The following PPP2R3A variants were observed in gnomAD, a reference collection of about 807,000 sequenced individuals.
The protein encoded by PPP2R3A is protein phosphatase 2 regulatory subunit B''alpha.
PPP2R3A carries 80 observed loss-of-function variants against 106.9 expected under a neutral mutation model. The observed-to-expected ratio is 0.75, with a 90% CI of 0.62 to 0.90. The LOEUF is 0.90. Among genes scored for constraint, PPP2R3A ranks in the 40% least tolerant of loss-of-function variants. The pLI, the probability that PPP2R3A is intolerant of heterozygous loss-of-function variation, is 0.00. For synonymous variants in PPP2R3A, 483 were observed against 468.3 expected, an observed-to-expected ratio of 1.03 and a Z score of -0.41; for missense variants, 1,386 against 1,350.4, an observed-to-expected ratio of 1.03 and a Z score of -0.41.
rs1933627190 is a variant in PPP2R3A at position 136,001,675 on chromosome 3, T to C, written c.177T>C (p.Pro59=). Residue 59 remains proline (P), a synonymous_variant, in exon 2 of 14, where the codon CCT becomes CCC. Transcript: ENST00000264977. Reference sequence around the variant, plus strand: ...TTTGTGCAGACCTCTTGCACATCCCTGTGTCTCAGTTCAAAGATGCAGATC... The same window carrying C: ...TTTGTGCAGACCTCTTGCACATCCCCGTGTCTCAGTTCAAAGATGCAGATC... ...HSVCADLLHI[P]VSQFKDADLN... The C allele has an allele frequency of 5.0e-6, 8 of 1,614,164 alleles. No homozygotes were observed. Among genetic ancestry groups the C allele is most frequent in the Non-Finnish European group, 5.9e-6 (7 of 1,180,026 alleles).
chr3:136,145,216 C>G lies in PPP2R3A; in HGVS notation c.*50C>G. 6.4e-7 allele frequency: 1 copy of G among 1,564,240 alleles called. No individual in the cohort carries two copies. Among genetic ancestry groups the G allele is most frequent in the Non-Finnish European group, 8.6e-7 (1 of 1,157,590 alleles). On this transcript the variant is annotated 3_prime_UTR_variant, in exon 14 of 14. Coordinates refer to ENST00000264977, the MANE Select transcript of PPP2R3A (RefSeq NM_002718.5). ...AGATGTGTATTTTAAATGTTTCTTT[C>G]TTGTGAAGAGATGTTCTCGTTTGCA...
intron 13 of PPP2R3A, among the ~76,000 whole-genome samples, chr3:136,138,440 A>G (rs200231157): frequency 1.3e-5 from 2 of 152,342 alleles, no homozygotes; most frequent in East Asian, 3.9e-4. Flanking sequence ...TCAAAACTGA[A>G]GTGAAATCTA....
Position 136,026,868 on chromosome 3 carries a change from C to T in PPP2R3A, c.2032C>T (p.Leu678Phe). The T allele has an allele frequency of 6.2e-7, 1 of 1,612,944 alleles. No individual in the cohort carries two copies. Among genetic ancestry groups the T allele is most frequent in the Non-Finnish European group, 8.5e-7 (1 of 1,179,140 alleles). ...ACCAGAAAAGAAACCTGGAACACCA[C>T]TCCCACCTCCAGCCACCTCTCCAAG... ...NKPEKKPGTP[L>F]PPPATSPSSP... The change falls in exon 3 of 14, where the codon CTC becomes TTC. Residue 678 changes from leucine (L) to phenylalanine (F), a missense_variant. Physicochemically the swap from Leu to Phe is conservative, Grantham distance 22 (BLOSUM62 0). Coordinates refer to ENST00000264977, the MANE Select transcript of PPP2R3A (RefSeq NM_002718.5).
At chr3:135,974,335 T>A (rs1023436348) in intron 1 of PPP2R3A, among the ~76,000 whole-genome samples, 11 of 152,210 alleles carry the variant, frequency 7.2e-5, no homozygotes, top group African/African-American at 2.7e-4. Context: ...CTACCAAATG[T>A]ATATCTCCAA....
intron 10 of PPP2R3A, among the ~76,000 whole-genome samples, chr3:136,099,827 T>C (rs1937311864): frequency 6.6e-6 from 1 of 151,816 alleles, no homozygotes; most frequent in African/African-American, 2.4e-5. Flanking sequence ...ACATCTCAAA[T>C]TTGATTAGCC....
intron 1 of PPP2R3A, among the ~76,000 whole-genome samples, chr3:136,000,245 GT>G (rs1221682348): frequency 3.9e-5 from 6 of 152,092 alleles, no homozygotes; most frequent in African/African-American, 1.4e-4. Flanking sequence ...TGTATGTTGG[GT>G]TTTTTCCCCT....
chr3:135,966,796 G>A (rs1251522432), intron 1 of PPP2R3A, among the ~76,000 whole-genome samples: 1 of 152,176 alleles, frequency 6.6e-6, no homozygotes, highest in Non-Finnish European at 1.5e-5. Flanking sequence ...ATCTGAGGAA[G>A]TATTCCTCCT....
intron 5 of PPP2R3A, among the ~76,000 whole-genome samples, chr3:136,051,519 T>TG (rs1324989835): frequency 2.6e-5 from 4 of 152,040 alleles, no homozygotes; most frequent in African/African-American, 9.7e-5. Context: ...TAGTAGAGAC[T>TG]GGGTTTCACC....
At position 136,002,608 on chromosome 3, in the gene PPP2R3A, A is replaced by C. The variant is rs572057738; in HGVS notation, c.1110A>C (p.Pro370=). 11 of 1,614,070 alleles carry C rather than the reference A, an allele frequency of 6.8e-6. No individual in the cohort carries two copies. The South Asian group carries it at 1.2e-4, about 18-fold the overall frequency. The change falls in exon 2 of 14, where the codon CCA becomes CCC. Residue 370 remains proline (P), a synonymous_variant. Transcript: ENST00000264977. ...SRKMDTVQSI[P]NNSTNSLYNL... ...AGATGGACACTGTACAATCCATTCC[A>C]AACAACTCCACAAATTCCTTATATA... is the stretch of plus-strand genomic sequence containing the variant.
At chr3:136,126,108 T>G (rs757325997) in intron 13 of PPP2R3A, among the ~76,000 whole-genome samples, 1 of 152,196 alleles carries the variant, frequency 6.6e-6, no homozygotes, top group Non-Finnish European at 1.5e-5. Context: ...CATTTCCAAC[T>G]GAGGTACTTG....
intron 3 of PPP2R3A, among the ~76,000 whole-genome samples, chr3:136,031,854 C>G (rs1224513424): frequency 6.6e-6 from 1 of 152,146 alleles, no homozygotes; most frequent in Non-Finnish European, 1.5e-5. Flanking sequence ...TTCTGTTCCA[C>G]TGGTCTATGT....
At chr3:135,969,045 G>T (rs1246372489) in intron 1 of PPP2R3A, among the ~76,000 whole-genome samples, 5 of 151,972 alleles carry the variant, frequency 3.3e-5, no homozygotes, top group Non-Finnish European at 5.9e-5. Flanking sequence ...TATTTATAGG[G>T]TAAATTCCTA....
intron 1 of PPP2R3A, among the ~76,000 whole-genome samples, chr3:135,995,365 A>G (rs1933345190): frequency 6.6e-6 from 1 of 151,326 alleles, no homozygotes; most frequent in African/African-American, 2.4e-5. Flanking sequence ...TTAAGAAAAA[A>G]CTCTATTGAT....
At chr3:136,030,313 C>CCGTT (rs1934825097) in intron 3 of PPP2R3A, among the ~76,000 whole-genome samples, 1 of 75,478 alleles carries the variant, frequency 1.3e-5, no homozygotes, top group Non-Finnish European at 2.4e-5. Context: ...TTGAGTGTGT[C>CCGTT]AGTTTGTTTT....
intron 1 of PPP2R3A, among the ~76,000 whole-genome samples, chr3:135,994,987 G>A (rs920290940): frequency 6.6e-6 from 1 of 152,158 alleles, no homozygotes; most frequent in Non-Finnish European, 1.5e-5. Flanking sequence ...GCTTTCCAGA[G>A]GCACTGGAAA....
At chr3:136,056,011 C>T (rs1935848384) in intron 5 of PPP2R3A, among the ~76,000 whole-genome samples, 1 of 152,144 alleles carries the variant, frequency 6.6e-6, no homozygotes, top group South Asian at 2.1e-4. Context: ...TCATCAATCA[C>T]GTTGTTAGTA....
chr3:136,048,030 A>G (rs905899857), intron 4 of PPP2R3A, among the ~76,000 whole-genome samples: 1 of 152,184 alleles, frequency 6.6e-6, no homozygotes, highest in Non-Finnish European at 1.5e-5. Flanking sequence ...GGATTCGTTC[A>G]TACTCCAGAC....
chr3:136,146,532 A>T lies in PPP2R3A; in HGVS notation c.*1366A>T, dbSNP rs931947401. ...AAAGAAAAGGAGAATTTAGGAAATAAATATGCTATAAACAAGGTACAGTAC... is the reference window on the plus strand; with the variant it reads ...AAAGAAAAGGAGAATTTAGGAAATATATATGCTATAAACAAGGTACAGTAC... On this transcript the variant is annotated 3_prime_UTR_variant, in exon 14 of 14. Transcript: ENST00000264977. 6.6e-6 allele frequency: 1 copy of T among 152,194 alleles called. No homozygotes were observed. Among genetic ancestry groups the T allele is most frequent in the Non-Finnish European group, 1.5e-5 (1 of 68,036 alleles). 9.4% of individuals were successfully genotyped at this position (152,194 alleles called of 1,614,324 possible).
At position 136,145,050 on chromosome 3, in the gene PPP2R3A, G is replaced by C; in HGVS notation, c.3337G>C (p.Asp1113His). ...TTTGCTTTGTTATTTCAGCTTTGAAGATTATGAAACAGATGAACCTGCCTC... is the reference window on the plus strand; with the variant it reads ...TTTGCTTTGTTATTTCAGCTTTGAACATTATGAAACAGATGAACCTGCCTC... Reference protein sequence around the residue: ...AQAQFQEGFEDYETDEPASPS... With the variant: ...AQAQFQEGFEHYETDEPASPS... The change falls in exon 14 of 14, where the codon GAT (aspartate) becomes CAT (histidine). Residue 1113 changes from aspartate (D) to histidine (H), a missense_variant. Asp to His is a moderately conservative substitution (Grantham distance 81). Coordinates refer to ENST00000264977, the MANE Select transcript of PPP2R3A (RefSeq NM_002718.5). 6.2e-7 allele frequency: 1 copy of C among 1,610,798 alleles called. No individual in the cohort carries two copies. The highest frequency in any genetic ancestry group is 1.7e-4 in the Middle Eastern group (1 of 6,042).
Sources: allele counts gnomAD v4.1 joint callset (sites outside exome capture counted in the v4.1 genomes callset), GRCh38; gene constraint gnomAD v4.1.1; transcripts MANE v1.5; gene names NCBI Gene and HGNC (gene_info 2026-07-23, HGNC 2026-07-21).